Variants in ADGRB3 observed in about 807,000 individuals in gnomAD.
ADGRB3 encodes the protein brain-specific angiogenesis inhibitor 3.
Under a neutral mutation model 193.4 loss-of-function variants are expected in ADGRB3, and 37 were observed. The observed-to-expected ratio is 0.19, with a 90% CI of 0.15 to 0.25. The LOEUF is 0.25. ADGRB3 is among the 10% of genes least tolerant of loss of function. The pLI, the probability that ADGRB3 is intolerant of heterozygous loss-of-function variation, is 1.00. For missense variants in ADGRB3, 1,637 were observed against 1,852.9 expected (o/e 0.88, Z 2.14); for synonymous variants, 690 against 644.2 (o/e 1.07, Z -1.08).
chr6:68,871,831 A>C (rs1448948079), intron 3 of ADGRB3, among the ~76,000 whole-genome samples: 2 of 152,122 alleles, frequency 1.3e-5, no homozygotes, highest in Non-Finnish European at 2.9e-5. Flanking sequence ...CCTCTAATCA[A>C]ATTAAATGTT....
At position 69,360,889 on chromosome 6, in the gene ADGRB3, C is replaced by T. The variant is rs1434517917; in HGVS notation, c.3616C>T (p.Pro1206Ser). The change falls in exon 29 of 32, where the codon CCT becomes TCT. Residue 1206 changes from proline (P) to serine (S), a missense_variant. By Grantham distance (74) the Pro-to-Ser change is moderately conservative. This residue lies in a region of ADGRB3 where 116 missense variants were observed against 168.1 expected (regional missense o/e 0.69). Coordinates refer to ENST00000370598, the MANE Select transcript of ADGRB3 (RefSeq NM_001704.3). The stretch of plus-strand genomic sequence containing the variant: ...CACAGTTCTTCATAAGGATATTGGT[C>T]CTTGCCGAGCAGCCACAATAACAGG... ...CRSVLHKDIGPCRAATITGTL... is the reference protein window; with the variant it reads ...CRSVLHKDIGSCRAATITGTL... 1.2e-6 allele frequency: 2 copies of T among 1,607,740 alleles called. No homozygotes were observed. Among genetic ancestry groups the T allele is most frequent in the Admixed American group, 3.4e-5 (2 of 59,412 alleles).
intron 3 of ADGRB3, among the ~76,000 whole-genome samples, chr6:68,754,960 T>C (rs1766272033): frequency 1.3e-5 from 2 of 152,054 alleles, no homozygotes; most frequent in Admixed American, 1.3e-4. Flanking sequence ...AGTATAACAG[T>C]GTCAAATGGA....
intron 21 of ADGRB3, among the ~76,000 whole-genome samples, chr6:69,325,363 G>A (rs1768545382): frequency 6.6e-6 from 1 of 151,942 alleles, no homozygotes; most frequent in African/African-American, 2.4e-5. Flanking sequence ...AATGTGTGAT[G>A]GTTCACTAGG....
At chr6:69,323,177 T>C (rs1768498549) in intron 20 of ADGRB3, among the ~76,000 whole-genome samples, 1 of 152,026 alleles carries the variant, frequency 6.6e-6, no homozygotes. Flanking sequence ...TAACTCTTTA[T>C]TGACAGTTTA....
intron 3 of ADGRB3, among the ~76,000 whole-genome samples, chr6:68,745,067 A>G (rs1021884354): frequency 2.6e-5 from 4 of 152,112 alleles, no homozygotes; most frequent in Non-Finnish European, 5.9e-5. Flanking sequence ...AAAAATCACT[A>G]TGCTCCAGCA....
At chr6:68,972,244 T>A in intron 8 of ADGRB3, among the ~76,000 whole-genome samples, 1 of 152,208 alleles carries the variant, frequency 6.6e-6, no homozygotes, top group East Asian at 1.9e-4. Flanking sequence ...TTATTTTATA[T>A]TTTTGATTTA....
intron 29 of ADGRB3, among the ~76,000 whole-genome samples, chr6:69,370,705 T>C (rs779319015): frequency 2.0e-5 from 3 of 152,128 alleles, no homozygotes; most frequent in Non-Finnish European, 4.4e-5. Flanking sequence ...AATTTTCAAA[T>C]AAAATGCAAA....
At chr6:68,953,754 C>T (rs145394153) in intron 6 of ADGRB3, among the ~76,000 whole-genome samples, 56 of 152,240 alleles carry the variant, frequency 3.7e-4, no homozygotes, top group African/African-American at 1.3e-3. Context: ...AGCTGGATGC[C>T]TGTTAAACAA....
At chr6:69,218,559 C>T (rs1018992707) in intron 17 of ADGRB3, among the ~76,000 whole-genome samples, 1 of 152,106 alleles carries the variant, frequency 6.6e-6, no homozygotes, top group Non-Finnish European at 1.5e-5. Context: ...CATTAACAGC[C>T]TAAGAGAAAT....
At chr6:69,239,468 A>C (rs1393524205) in intron 20 of ADGRB3, among the ~76,000 whole-genome samples, 1 of 152,048 alleles carries the variant, frequency 6.6e-6, no homozygotes, top group East Asian at 1.9e-4. Context: ...TATGTTTATT[A>C]AACATTATAT....
intron 9 of ADGRB3, 49 bp downstream of exon 9, chr6:68,974,913 A>C: frequency 6.8e-7 from 1 of 1,477,622 alleles, no homozygotes; most frequent in South Asian, 1.1e-5. Flanking sequence ...CCCATCCAAG[A>C]ACAGCATGCA....
chr6:69,067,938 G>A (rs1771954986), intron 16 of ADGRB3, among the ~76,000 whole-genome samples: 1 of 152,100 alleles, frequency 6.6e-6, no homozygotes, highest in Non-Finnish European at 1.5e-5. Flanking sequence ...CAGGGGGTCA[G>A]CAAACTTTTT....
chr6:68,716,215 A>G (rs1010475676), intron 3 of ADGRB3, among the ~76,000 whole-genome samples: 1 of 151,730 alleles, frequency 6.6e-6, no homozygotes, highest in Non-Finnish European at 1.5e-5. Flanking sequence ...GTCTGGGAAT[A>G]CCTGGAGTTG....
chr6:69,158,425 A>T (rs1032946907), intron 17 of ADGRB3, among the ~76,000 whole-genome samples: 4 of 103,432 alleles, frequency 3.9e-5, no homozygotes, highest in African/African-American at 1.4e-4. Context: ...ACCCTCAGCT[A>T]AAGTTCAGCC....
At chr6:68,712,169 T>C (rs974704081) in intron 3 of ADGRB3, among the ~76,000 whole-genome samples, 1 of 152,058 alleles carries the variant, frequency 6.6e-6, no homozygotes, top group Non-Finnish European at 1.5e-5. Context: ...AAACAGGAGT[T>C]GGACAGAGGC....
At chr6:69,142,304 A>G (rs1774363307) in intron 17 of ADGRB3, among the ~76,000 whole-genome samples, 1 of 152,188 alleles carries the variant, frequency 6.6e-6, no homozygotes, top group African/African-American at 2.4e-5. Context: ...AATAGTCTCA[A>G]AAATTGGTTT....
chr6:68,949,268 C>T (rs1562097033), intron 6 of ADGRB3, among the ~76,000 whole-genome samples: 5 of 152,228 alleles, frequency 3.3e-5, no homozygotes, highest in Admixed American at 6.6e-5. Flanking sequence ...CTGTGTCAGT[C>T]TGTTGAGCTG....
intron 20 of ADGRB3, among the ~76,000 whole-genome samples, chr6:69,271,828 ATTGT>A (rs1384345224): frequency 2.0e-5 from 3 of 152,072 alleles, no homozygotes; most frequent in Non-Finnish European, 2.9e-5. Flanking sequence ...TTTTAGCCTT[ATTGT>A]TTGTTTTTTG....
chr6:69,176,891 C>A (rs1775440603), intron 17 of ADGRB3, among the ~76,000 whole-genome samples: 1 of 152,114 alleles, frequency 6.6e-6, no homozygotes, highest in African/African-American at 2.4e-5. Context: ...TATCTATTTC[C>A]TCTAGATTTT....
Sources: allele counts gnomAD v4.1 joint callset (sites outside exome capture counted in the v4.1 genomes callset), GRCh38; gene constraint gnomAD v4.1.1; regional missense constraint gnomAD v4.1.1; transcripts MANE v1.5; gene names NCBI Gene and HGNC (gene_info 2026-07-23, HGNC 2026-07-21).